The following SELENON variants were observed in gnomAD, a reference collection of about 807,000 sequenced individuals.
SELENON encodes the protein selenoprotein N, also known as selenoprotein N, 1.
SELENON carries 44 observed loss-of-function variants against 59.5 expected under a neutral mutation model. The observed-to-expected ratio is 0.74, with a 90% CI of 0.58 to 0.95. The LOEUF is 0.95. Among genes scored for constraint, SELENON ranks in the 40% least tolerant of loss-of-function variants. The pLI, the probability that SELENON is intolerant of heterozygous loss-of-function variation, is 0.00. For synonymous variants in SELENON, 320 were observed against 305.6 expected (o/e 1.05, Z -0.49); for missense variants, 674 against 721.4 (o/e 0.93, Z 0.75).
intron 10 of SELENON, chr1:25,813,462 C>T (rs1248235083): frequency 8.4e-6 from 3 of 356,640 alleles, no homozygotes; most frequent in Admixed American, 3.8e-5. Context: ...TCCAGAGTGG[C>T]ACCAGAGTGT....
intron 9 of SELENON, among the ~76,000 whole-genome samples, 199 bp from the exon 9 acceptor site, chr1:25,812,484 TACAA>T (rs1049624531): frequency 1.3e-4 from 20 of 149,450 alleles, no homozygotes; most frequent in African/African-American, 4.9e-4. Context: ...TACACACATA[TACAA>T]ACATACACAA....
In SELENON at chr1:25,806,530, C is replaced by T. The variant is rs767643310; in HGVS notation, c.537+1255C>T. Among the ~76,000 whole-genome samples the T allele has an allele frequency of 3.3e-4, 50 of 152,056 alleles. 1 individual carries two copies. Among genetic ancestry groups the T allele is most frequent in the Non-Finnish European group, 6.8e-4 (46 of 68,010 alleles). On this transcript the variant is annotated intron_variant, in intron 4 of 12. Coordinates refer to ENST00000361547, the MANE Select transcript of SELENON (RefSeq NM_020451.3). The stretch of plus-strand genomic sequence containing the variant: ...CAGTGGGTGGGCAGGAGTTGGATGA[C>T]TCAGGCTTCTGGCTGTGACCAGGGG...
Position 25,800,201 on chromosome 1 carries a change from G to GGCC in SELENON, c.-25_-23dup, listed in dbSNP as rs1427208831. On this transcript the variant is annotated 5_prime_UTR_variant, in exon 1 of 13. Transcript: ENST00000361547. ...CCCCGCCCCGCTCTTTCGCTTCCCG[G>GGCC]GCCGCCGGCAGCCGCCGCCAGCCGC... 2.2e-6 allele frequency: 1 copy of GGCC among 455,314 alleles called. No individual in the cohort carries two copies. The highest frequency in any genetic ancestry group is 2.9e-6 in the Non-Finnish European group (1 of 348,936). 28.2% of individuals were successfully genotyped at this position (455,314 alleles called of 1,614,324 possible).
Position 25,812,560 on chromosome 1 carries a change from C to A in SELENON, c.1282-127C>A, listed in dbSNP as rs565376328. On this transcript the variant is annotated intron_variant, in intron 9 of 12. Coordinates refer to ENST00000361547, the MANE Select transcript of SELENON (RefSeq NM_020451.3). The stretch of plus-strand genomic sequence containing the variant: ...ATACACACAAATATATATGCCTACA[C>A]ACAAACACACACACACACACACACA... The A allele has an allele frequency of 1.3e-5, 8 of 595,702 alleles. No homozygotes were observed. In the East Asian group the frequency reaches 1.5e-4, roughly 11 times the overall value. 36.9% of individuals were successfully genotyped at this position (595,702 alleles called of 1,614,324 possible).
intron 5 of SELENON, 94 bp downstream of exon 4, chr1:25,808,883 C>A: frequency 6.4e-7 from 1 of 1,571,664 alleles, no homozygotes; most frequent in Non-Finnish European, 8.7e-7. Context: ...GCCAGGCCTG[C>A]TCCACCTGCT....
rs1185960610 is a variant in SELENON, at chr1:25,804,641, C to G, written c.404-501C>G. Among the ~76,000 whole-genome samples, 6 of 41,226 alleles carry G rather than the reference C, an allele frequency of 1.5e-4. No homozygotes were observed. The East Asian group carries it at 7.5e-3, about 52-fold the overall frequency. 27.0% of individuals were successfully genotyped at this position (41,226 alleles called of 152,430 possible). On this transcript the variant is annotated intron_variant, in intron 3 of 12. Transcript: ENST00000361547. The stretch of plus-strand genomic sequence containing the variant: ...CTCCTACAGCTGGGGCAATGCCCCC[C>G]CCGCCCCCCCCCCCCCGCCGCAAAA...
intron 10 of SELENON, chr1:25,813,520 T>C: frequency 5.3e-6 from 2 of 376,170 alleles, no homozygotes; most frequent in South Asian, 2.0e-5. Flanking sequence ...ATATTTACGC[T>C]GAGACTTTGA....
chr1:25,808,682 G>C lies in SELENON; in HGVS notation c.640G>C (p.Gly214Arg), dbSNP rs1398109316. 1 of 1,614,126 alleles carries C rather than the reference G, an allele frequency of 6.2e-7. No homozygotes were observed. Among genetic ancestry groups the C allele is most frequent in the Non-Finnish European group, 8.5e-7 (1 of 1,179,998 alleles). ...CTTCCAGCCCTTCCTTCCCCCGCCA[G>C]GCCAGGAGCTGGGTGAGCCCTGGTG... is the stretch of plus-strand genomic sequence containing the variant. The change falls in exon 5 of 13, where the codon GGC becomes CGC. Residue 214 changes from glycine to arginine, a missense_variant. Gly to Arg is a moderately radical substitution (Grantham distance 125). Transcript: ENST00000361547.
At position 25,816,002 on chromosome 1, in the gene SELENON, T is replaced by C. The variant is rs2048008106; in HGVS notation, c.*284T>C. ...TGCTTGGCCCCCCCAGATCAGGGCCTGGGTGAACTCCCTGGACCTTTCCTA... is the reference window on the plus strand; with the variant it reads ...TGCTTGGCCCCCCCAGATCAGGGCCCGGGTGAACTCCCTGGACCTTTCCTA... On this transcript the variant is annotated 3_prime_UTR_variant, in exon 13 of 13. Coordinates refer to ENST00000361547, the MANE Select transcript of SELENON (RefSeq NM_020451.3). 2 of 467,204 alleles carry C rather than the reference T, an allele frequency of 4.3e-6. No homozygotes were observed. The highest frequency in any genetic ancestry group is 7.9e-6 in the Non-Finnish European group (2 of 252,756). 28.9% of individuals were successfully genotyped at this position (467,204 alleles called of 1,614,324 possible).
In SELENON at chr1:25,808,651, C is replaced by T. The variant is rs778149629; in HGVS notation, c.609C>T (p.Thr203=). 3 of 1,614,002 alleles carry T rather than the reference C, an allele frequency of 1.9e-6. No homozygotes were observed. Among genetic ancestry groups the T allele is most frequent in the Admixed American group, 1.7e-5 (1 of 60,032 alleles). ...CCTCACCAAGTGCAGTGTTTGCCAC[C>T]CGCCACTTCCAGCCCTTCCTTCCCC... The change falls in exon 5 of 13, where the codon ACC becomes ACT. Residue 203 remains threonine (T), a synonymous_variant. Transcript: ENST00000361547.
rs3033477 is a variant in SELENON at position 25,817,213 on chromosome 1, A to ATTTTG, written c.*1511_*1515dup. ...CCTTCCCCAGCCAGTCTTGTTCTCA[A>ATTTTG]TTTTGTTTTGTTTTGTTTTGAGACG... is the stretch of plus-strand genomic sequence containing the variant. On this transcript the variant is annotated 3_prime_UTR_variant, in exon 13 of 13. Coordinates refer to ENST00000361547, the MANE Select transcript of SELENON (RefSeq NM_020451.3). 109,638 of 151,552 alleles carry ATTTTG rather than the reference A, an allele frequency of 0.72. 41,013 individuals carry two copies. Among genetic ancestry groups the ATTTTG allele is most frequent in the East Asian group, 0.97 (4,983 of 5,156 alleles). 9.4% of individuals were successfully genotyped at this position (151,552 alleles called of 1,614,324 possible).
At chr1:25,808,915 G>GC (rs2047933981) in intron 5 of SELENON, 111 bp from the exon 5 acceptor site, 1 of 1,578,172 alleles carries the variant, frequency 6.3e-7, no homozygotes, top group Admixed American at 1.7e-5. Flanking sequence ...CTCTGGACCT[G>GC]CCCCCTCCCC....
chr1:25,808,753 C>T lies in SELENON; in HGVS notation c.711C>T (p.Asn237=). ...GCATGTTCACTGGCTACCTGTCCAA[C>T]AACCGCTTCTATCCACCGCCGCCCA... is the stretch of plus-strand genomic sequence containing the variant. Residue 237 remains asparagine, a synonymous_variant, in exon 5 of 13, where the codon AAC becomes AAT. Coordinates refer to ENST00000361547, the MANE Select transcript of SELENON (RefSeq NM_020451.3). 1 of 1,613,976 alleles carries T rather than the reference C, an allele frequency of 6.2e-7. No individual in the cohort carries two copies. Among genetic ancestry groups the T allele is most frequent in the Non-Finnish European group, 8.5e-7 (1 of 1,179,984 alleles).
At chr1:25,812,923 G>T in intron 10 of SELENON, 131 bp downstream of exon 9, 1 of 682,526 alleles carries the variant, frequency 1.5e-6, no homozygotes. Flanking sequence ...TGGTAGGGGC[G>T]TGGGGTGAGG....
Position 25,815,943 on chromosome 1 carries a change from A to C in SELENON, c.*225A>C, listed in dbSNP as rs1187207603. ...AGAGGAACCTCTAGCTCTGACTGTC[A>C]CTCGGCTCTCCCTACCCATTTGGCT... On this transcript the variant is annotated 3_prime_UTR_variant, in exon 13 of 13. Transcript: ENST00000361547. 1 of 560,492 alleles carries C rather than the reference A, an allele frequency of 1.8e-6. No individual in the cohort carries two copies. Among genetic ancestry groups the C allele is most frequent in the African/African-American group, 1.9e-5 (1 of 52,996 alleles). 34.7% of individuals were successfully genotyped at this position (560,492 alleles called of 1,614,324 possible).
chr1:25,806,152 G>A (rs1326690964), intron 4 of SELENON, among the ~76,000 whole-genome samples: 2 of 152,234 alleles, frequency 1.3e-5, no homozygotes, highest in African/African-American at 4.8e-5. Flanking sequence ...AGGCAGGAGT[G>A]CCAGGCTGGT....
chr1:25,808,526 A>G, intron 4 of SELENON, 54 bp from the exon 4 acceptor site: 1 of 1,601,214 alleles, frequency 6.2e-7, no homozygotes, highest in African/African-American at 1.3e-5. Flanking sequence ...ATGGTACAGG[A>G]GACCCCGGAG....
intron 7 of SELENON, among the ~76,000 whole-genome samples, chr1:25,810,529 G>C (rs1228105648): frequency 6.6e-6 from 1 of 152,252 alleles, no homozygotes; most frequent in Non-Finnish European, 1.5e-5. Context: ...CTGCAGTTAA[G>C]TCTCTGCTGT....
intron 12 of SELENON, among the ~76,000 whole-genome samples, chr1:25,814,848 G>A (rs1019917967): frequency 1.1e-4 from 17 of 152,120 alleles, no homozygotes; most frequent in Admixed American, 5.2e-4. Context: ...GGAGGGGGCC[G>A]GCTTCCTCAG....
Sources: gnomAD v4.1 joint callset for allele counts (sites outside exome capture counted in the v4.1 genomes callset) on GRCh38, gnomAD v4.1.1 for gene constraint, MANE v1.5 for transcripts, NCBI Gene and HGNC (gene_info 2026-07-23, HGNC 2026-07-21) for gene names.